The following NTRK2 variants were observed in gnomAD, a reference collection of about 807,000 sequenced individuals.
The protein encoded by NTRK2 is BDNF/NT-3 growth factors receptor.
In NTRK2, 13 loss-of-function variants were observed where a neutral mutation model predicts 94.5. That is an observed-to-expected ratio of 0.14 (90% CI 0.09 to 0.22). The LOEUF (loss-of-function observed/expected upper bound fraction) is 0.22. Among genes scored for constraint, NTRK2 ranks in the 10% least tolerant of loss-of-function variants. The pLI is 1.00. For synonymous variants in NTRK2, 372 were observed against 407.4 expected, an observed-to-expected ratio of 0.91 and a Z score of 1.05; for missense variants, 639 against 1,071.2, an observed-to-expected ratio of 0.60 and a Z score of 5.63.
intron 12 of NTRK2, among the ~76,000 whole-genome samples, chr9:84,790,829 T>C (rs551453473): frequency 2.2e-4 from 34 of 152,350 alleles, no homozygotes; most frequent in African/African-American, 7.0e-4. Context: ...ATAGCCAATC[T>C]GTTCTGATAA....
intron 16 of NTRK2, among the ~76,000 whole-genome samples, chr9:84,952,555 C>T (rs1434500268): frequency 1.3e-5 from 2 of 152,128 alleles, no homozygotes; most frequent in African/African-American, 4.8e-5. Flanking sequence ...AGGATTGCAG[C>T]GTTAACCGTT....
At chr9:84,925,379 C>A (rs2077726460) in intron 14 of NTRK2, among the ~76,000 whole-genome samples, 1 of 152,106 alleles carries the variant, frequency 6.6e-6, no homozygotes, top group Non-Finnish European at 1.5e-5. Context: ...ACAGGCTCGG[C>A]CTCCATTCTT....
chr9:84,708,106 TA>T (rs369677599), intron 5 of NTRK2, among the ~76,000 whole-genome samples, 194 bp downstream of exon 5: 256 of 152,132 alleles, frequency 1.7e-3, no homozygotes, highest in Non-Finnish European at 2.6e-3. Context: ...ATTCAGTAAT[TA>T]AAAAAAATAG....
At chr9:84,905,552 A>T (rs537988833) in intron 14 of NTRK2, among the ~76,000 whole-genome samples, 62 of 152,314 alleles carry the variant, frequency 4.1e-4, no homozygotes, top group African/African-American at 1.4e-3. Flanking sequence ...AAATCAAATG[A>T]AATTGAATTT....
chr9:84,903,102 T>C (rs1357936777), intron 14 of NTRK2, among the ~76,000 whole-genome samples: 1 of 152,248 alleles, frequency 6.6e-6, no homozygotes, highest in Non-Finnish European at 1.5e-5. Flanking sequence ...ACTATTTTAA[T>C]TTAAATTATT....
chr9:84,805,432 C>T (rs182476600), intron 12 of NTRK2, among the ~76,000 whole-genome samples: 3 of 152,288 alleles, frequency 2.0e-5, no homozygotes, highest in South Asian at 2.1e-4. Context: ...GATTAAAATG[C>T]TCCAGGAAGT....
At chr9:84,876,076 C>T in intron 14 of NTRK2, 2 of 1,030,894 alleles carry the variant, frequency 1.9e-6, no homozygotes, top group Non-Finnish European at 2.3e-6. Context: ...CTTTCTTATG[C>T]TGTTACTATT....
chr9:84,873,606 GT>G, intron 14 of NTRK2: 1 of 1,052,966 alleles, frequency 9.5e-7, no homozygotes, highest in Non-Finnish European at 1.1e-6. Flanking sequence ...AGCAACTTGA[GT>G]TTCTTAAAAG....
intron 2 of NTRK2, among the ~76,000 whole-genome samples, chr9:84,688,780 G>A (rs1011020093): frequency 5.3e-5 from 8 of 152,210 alleles, no homozygotes; most frequent in African/African-American, 1.9e-4. Flanking sequence ...CTTTCCTCAC[G>A]ATGTCTTTTT....
At chr9:84,676,764 G>GT (rs970547433) in intron 2 of NTRK2, among the ~76,000 whole-genome samples, 4 of 152,088 alleles carry the variant, frequency 2.6e-5, no homozygotes, top group African/African-American at 9.7e-5. Context: ...AGTAACTGTG[G>GT]TTTTTGCCAT....
intron 14 of NTRK2, among the ~76,000 whole-genome samples, chr9:84,932,621 T>C (rs754807353): frequency 8.5e-5 from 13 of 152,206 alleles, no homozygotes; most frequent in Non-Finnish European, 1.6e-4. Context: ...GTACTAAATC[T>C]CTACTTTGAG....
intron 12 of NTRK2, among the ~76,000 whole-genome samples, chr9:84,779,864 G>A (rs2067396668): frequency 6.6e-6 from 1 of 152,128 alleles, no homozygotes; most frequent in South Asian, 2.1e-4. Context: ...GCCTCCTTCT[G>A]TATTCCTGTT....
chr9:84,813,619 T>C (rs1265525660), intron 12 of NTRK2: 3 of 1,065,956 alleles, frequency 2.8e-6, no homozygotes, highest in Non-Finnish European at 3.4e-6. Flanking sequence ...ATTCCCACCA[T>C]GCTGTGACCC....
intron 14 of NTRK2, among the ~76,000 whole-genome samples, chr9:84,915,495 T>C (rs1157145024): frequency 6.6e-6 from 1 of 152,218 alleles, no homozygotes; most frequent in Non-Finnish European, 1.5e-5. Context: ...CCACGTGTTC[T>C]CTGCTCAGGC....
At chr9:84,806,608 T>G (rs745635954) in intron 12 of NTRK2, among the ~76,000 whole-genome samples, 4 of 152,204 alleles carry the variant, frequency 2.6e-5, no homozygotes, top group South Asian at 2.1e-4. Flanking sequence ...CATTCATTCT[T>G]GGGTGACCTT....
At chr9:85,004,396 G>A (rs1367447079) in intron 17 of NTRK2, among the ~76,000 whole-genome samples, 5 of 152,184 alleles carry the variant, frequency 3.3e-5, no homozygotes, top group Non-Finnish European at 5.9e-5. Context: ...GGGATAAAGA[G>A]AATTACAATC....
At chr9:84,901,733 G>C (rs2076935768) in intron 14 of NTRK2, among the ~76,000 whole-genome samples, 2 of 152,032 alleles carry the variant, frequency 1.3e-5, no homozygotes, top group Admixed American at 1.3e-4. Context: ...GCTAACCCCA[G>C]TCCAGTCCAG....
chr9:84,816,188 T>C (rs1255213827), intron 12 of NTRK2, among the ~76,000 whole-genome samples: 1 of 151,986 alleles, frequency 6.6e-6, no homozygotes, highest in Non-Finnish European at 1.5e-5. Flanking sequence ...GAGAGGGGAA[T>C]ATGTTGGATG....
intron 15 of NTRK2, among the ~76,000 whole-genome samples, chr9:84,943,712 C>A (rs2078491770): frequency 6.6e-6 from 1 of 152,144 alleles, no homozygotes; most frequent in Admixed American, 6.5e-5. Flanking sequence ...TGCCAAGGGA[C>A]TCAGGGAACC....
Sources: gnomAD v4.1 joint callset for allele counts (sites outside exome capture counted in the v4.1 genomes callset) on GRCh38, gnomAD v4.1.1 for gene constraint, MANE v1.5 for transcripts, NCBI Gene and HGNC (gene_info 2026-07-23, HGNC 2026-07-21) for gene names.